NUFIP2: variants seen among roughly 807,000 people sequenced by gnomAD.
NUFIP2 encodes the protein nuclear FMR1 interacting protein 2.
NUFIP2 carries 6 observed loss-of-function variants against 56.9 expected under a neutral mutation model. The observed-to-expected ratio is 0.11, with a 90% CI of 0.06 to 0.21. NUFIP2 has a LOEUF of 0.21. NUFIP2 is among the 10% of genes least tolerant of loss of function. The probability of loss-of-function intolerance (pLI) is 1.00; values close to 1 mark genes in which losing one functional copy is unlikely to be tolerated. For synonymous variants in NUFIP2, 321 were observed against 298.2 expected (o/e 1.08, Z -0.79); for missense variants, 828 against 826.8 (o/e 1.00, Z -0.02).
At chr17:29,291,345 TA>T (rs755948980) in intron 1 of NUFIP2, among the ~76,000 whole-genome samples, 2 of 152,114 alleles carry the variant, frequency 1.3e-5, no homozygotes, top group East Asian at 1.9e-4. Context: ...TCTTCTGGAT[TA>T]AAAAAAACTG....
chr17:29,277,777 C>A (rs1326065735), intron 2 of NUFIP2, among the ~76,000 whole-genome samples: 1 of 152,068 alleles, frequency 6.6e-6, no homozygotes, highest in East Asian at 1.9e-4. Context: ...CTTTGGGAGG[C>A]CGAGGTGGGT....
chr17:29,288,132 C>T (rs931059537), intron 1 of NUFIP2, among the ~76,000 whole-genome samples: 1 of 152,264 alleles, frequency 6.6e-6, no homozygotes, highest in African/African-American at 2.4e-5. Context: ...TAAGCTCCAC[C>T]TCCCGGGCTC....
rs1452363393 is a variant in NUFIP2 at position 29,262,654 on chromosome 17, T to C, written c.*1885A>G. On this transcript the variant is annotated 3_prime_UTR_variant, in exon 4 of 4. Transcript: ENST00000225388. Reference sequence around the variant, plus strand: ...TACAATATCAGTCAAAGTGATACAGTTTACAGGTGAAATGAAACTATCTGG... The same window carrying C: ...TACAATATCAGTCAAAGTGATACAGCTTACAGGTGAAATGAAACTATCTGG... 6.6e-6 allele frequency: 1 copy of C among 151,902 alleles called. No individual in the cohort carries two copies. The highest frequency in any genetic ancestry group is 1.5e-5 in the Non-Finnish European group (1 of 67,888). The allele number at this position is 151,902 out of a possible 1,614,324, so 9.4% of individuals were successfully genotyped here.
At chr17:29,292,897 C>T (rs2069226333) in intron 1 of NUFIP2, among the ~76,000 whole-genome samples, 1 of 135,912 alleles carries the variant, frequency 7.4e-6, no homozygotes, top group Non-Finnish European at 1.6e-5. Flanking sequence ...GGGGGGCGGC[C>T]GCGGTGCGGG....
chr17:29,290,492 TAAA>T (rs1244345686), intron 1 of NUFIP2, among the ~76,000 whole-genome samples: 1 of 148,988 alleles, frequency 6.7e-6, no homozygotes, highest in African/African-American at 2.5e-5. Flanking sequence ...CTATCTCTAC[TAAA>T]AAAAAGAAAA....
chr17:29,270,760 A>ACTTGAGG (rs1424305641), intron 2 of NUFIP2, among the ~76,000 whole-genome samples: 4 of 152,180 alleles, frequency 2.6e-5, no homozygotes, highest in Non-Finnish European at 5.9e-5. Flanking sequence ...CAGGAGGATC[A>ACTTGAGG]CTTGAGGGAC....
At chr17:29,268,274 C>G (rs2069050776) in intron 2 of NUFIP2, among the ~76,000 whole-genome samples, 1 of 152,166 alleles carries the variant, frequency 6.6e-6, no homozygotes, top group Admixed American at 6.5e-5. Flanking sequence ...TTTGTCTTCA[C>G]AAATTGCAAG....
rs148802844 is a variant in NUFIP2, at chr17:29,286,455, A to G, written c.1539T>C (p.Asn513=). The G allele has an allele frequency of 1.0e-4, 167 of 1,614,204 alleles. No homozygotes were observed. The African/African-American group carries it at 2.0e-3, about 19-fold the overall frequency. The part of the protein sequence containing the change: ...FQNQWGLSFI[N]EPSAGPETVT... ...CAGTCTCAGGGCCAGCACTGGGCTC[A>G]TTTATAAATGATAAACCCCACTGAT... Residue 513 remains asparagine, a synonymous_variant, in exon 2 of 4, where the codon AAT becomes AAC. Transcript: ENST00000225388.
chr17:29,264,395 A>T lies in NUFIP2; in HGVS notation c.*144T>A. Reference sequence around the variant, plus strand: ...AATAACTATATATATATATATGTATATATATATATTTGTATATATTATCCT... The same window carrying T: ...AATAACTATATATATATATATGTATTTATATATATTTGTATATATTATCCT... On this transcript the variant is annotated 3_prime_UTR_variant, in exon 4 of 4. Coordinates refer to ENST00000225388, the MANE Select transcript of NUFIP2 (RefSeq NM_020772.3). The T allele has an allele frequency of 4.1e-6, 1 of 245,150 alleles. No individual in the cohort carries two copies. Among genetic ancestry groups the T allele is most frequent in the East Asian group, 9.5e-5 (1 of 10,504 alleles). 15.2% of individuals were successfully genotyped at this position (245,150 alleles called of 1,614,324 possible).
chr17:29,269,811 C>T (rs1200556253), intron 2 of NUFIP2, among the ~76,000 whole-genome samples: 1 of 152,096 alleles, frequency 6.6e-6, no homozygotes, highest in African/African-American at 2.4e-5. Context: ...AGCTCCGCCT[C>T]CCGGGTTCAC....
chr17:29,277,512 G>T (rs1489707052), intron 2 of NUFIP2, among the ~76,000 whole-genome samples: 1 of 152,152 alleles, frequency 6.6e-6, no homozygotes, highest in Non-Finnish European at 1.5e-5. Context: ...CAAGGATGGT[G>T]ACATGGTAAA....
intron 2 of NUFIP2, among the ~76,000 whole-genome samples, chr17:29,285,408 T>C (rs1036837034): frequency 3.3e-5 from 5 of 151,456 alleles, no homozygotes; most frequent in African/African-American, 4.9e-5. Flanking sequence ...CTGGCCAACA[T>C]GGTGAAACCC....
chr17:29,286,947 A>G lies in NUFIP2; in HGVS notation c.1047T>C (p.Ser349=), dbSNP rs767380096. The change falls in exon 2 of 4, where the codon AGT becomes AGC. Residue 349 remains serine, a synonymous_variant. Coordinates refer to ENST00000225388, the MANE Select transcript of NUFIP2 (RefSeq NM_020772.3). ...PPPVFPVDNS[S]AKIVPKISYA... ...AACTTATTTTAGGAACTATTTTAGC[A>G]CTGCTATTGTCCACTGGAAAAACTG... 3 of 1,614,098 alleles carry G rather than the reference A, an allele frequency of 1.9e-6. No homozygotes were observed. In the South Asian group the frequency reaches 3.3e-5, roughly 18 times the overall value.
At chr17:29,290,529 C>A (rs1270251626) in intron 1 of NUFIP2, among the ~76,000 whole-genome samples, 1 of 151,432 alleles carries the variant, frequency 6.6e-6, no homozygotes, top group Admixed American at 6.6e-5. Context: ...GGCATGGTAG[C>A]ATATGCCTGT....
intron 2 of NUFIP2, among the ~76,000 whole-genome samples, chr17:29,282,673 T>G (rs1202105200): frequency 1.3e-5 from 2 of 152,174 alleles, no homozygotes; most frequent in Admixed American, 1.3e-4. Context: ...CCAAATTAAG[T>G]TGCTGAAGGG....
At position 29,273,084 on chromosome 17, in the gene NUFIP2, G is replaced by C. The variant is rs140533870; in HGVS notation, c.2003-5554C>G. On this transcript the variant is annotated intron_variant, in intron 2 of 3. Coordinates refer to ENST00000225388, the MANE Select transcript of NUFIP2 (RefSeq NM_020772.3). The stretch of plus-strand genomic sequence containing the variant: ...GGAGACAGAGTCTCACTGTCACCCA[G>C]GCTGGAGTGCAATGGTGAGATCTCG... 3.9e-3 allele frequency among the ~76,000 whole-genome samples: 592 copies of C among 151,624 alleles called. 3 individuals carry two copies. The highest frequency in any genetic ancestry group is 0.014 in the African/African-American group (565 of 41,334).
intron 1 of NUFIP2, among the ~76,000 whole-genome samples, chr17:29,287,961 G>C (rs918733389): frequency 7.4e-4 from 113 of 152,344 alleles, no homozygotes; most frequent in African/African-American, 2.6e-3. Flanking sequence ...TCTGAGGCCA[G>C]AGAAGACAAG....
chr17:29,283,137 T>G (rs2069150392), intron 2 of NUFIP2, among the ~76,000 whole-genome samples: 1 of 152,168 alleles, frequency 6.6e-6, no homozygotes, highest in South Asian at 2.1e-4. Context: ...CCAGCAAAAC[T>G]AAATATAACT....
At chr17:29,293,737 T>G in intron 1 of NUFIP2, 46 bp downstream of exon 1, 2 of 1,172,434 alleles carry the variant, frequency 1.7e-6, no homozygotes, top group Non-Finnish European at 2.4e-6. Flanking sequence ...ATCTCTCCTG[T>G]CCTCCACCCC....
Sources: gnomAD v4.1 joint callset for allele counts (sites outside exome capture counted in the v4.1 genomes callset) on GRCh38, gnomAD v4.1.1 for gene constraint, MANE v1.5 for transcripts, NCBI Gene and HGNC (gene_info 2026-07-23, HGNC 2026-07-21) for gene names.